The following SAMMSON variants were observed in gnomAD, a reference collection of about 807,000 sequenced individuals.
The protein encoded by SAMMSON is long intergenic non-protein coding RNA 1212.
chr3:70,093,931 C>T (rs66548167), intron 4 of SAMMSON, among the ~76,000 whole-genome samples: 11,365 of 152,192 alleles, frequency 0.075, 583 homozygotes, highest in Non-Finnish European at 0.11. Context: ...CTTTGAGGGA[C>T]GTTTTGCAAC....
At chr3:70,005,033 A>T (rs969265407) in intron 1 of SAMMSON, among the ~76,000 whole-genome samples, 1 of 152,186 alleles carries the variant, frequency 6.6e-6, no homozygotes, top group Non-Finnish European at 1.5e-5. Flanking sequence ...TGAATGCTAG[A>T]CCAATGTTTT....
intron 4 of SAMMSON, among the ~76,000 whole-genome samples, chr3:70,169,357 A>G (rs2067652097): frequency 6.6e-6 from 1 of 152,048 alleles, no homozygotes; most frequent in Admixed American, 6.6e-5. Flanking sequence ...ATGACGTTTT[A>G]TGCAAGGAGA....
At chr3:70,052,079 T>C (rs2067148459) in intron 3 of SAMMSON, among the ~76,000 whole-genome samples, 1 of 152,020 alleles carries the variant, frequency 6.6e-6, no homozygotes, top group Non-Finnish European at 1.5e-5. Flanking sequence ...GCCTGGGCAA[T>C]ACAGCGAGGA....
intron 4 of SAMMSON, among the ~76,000 whole-genome samples, chr3:70,163,770 G>T (rs1019131571): frequency 6.6e-6 from 1 of 151,940 alleles, no homozygotes; most frequent in Non-Finnish European, 1.5e-5. Flanking sequence ...GTAAAACAAC[G>T]GCCTCTTAAT....
chr3:70,160,010 G>T (rs976791991), intron 4 of SAMMSON, among the ~76,000 whole-genome samples: 1 of 151,836 alleles, frequency 6.6e-6, no homozygotes, highest in South Asian at 2.1e-4. Context: ...GTCTTATTGA[G>T]GTGTAAGATT....
At chr3:70,228,777 T>C (rs1701532258) in intron 4 of SAMMSON, among the ~76,000 whole-genome samples, 1 of 152,098 alleles carries the variant, frequency 6.6e-6, no homozygotes, top group Admixed American at 6.6e-5. Context: ...CAAGTTTCAT[T>C]TGCATTCTCC....
intron 6 of SAMMSON, among the ~76,000 whole-genome samples, chr3:70,269,825 C>T (rs552500752): frequency 6.6e-6 from 1 of 152,098 alleles, no homozygotes; most frequent in African/African-American, 2.4e-5. Flanking sequence ...CATCTCATTT[C>T]GAAAACAAAG....
chr3:70,356,995 A>T lies in SAMMSON; in HGVS notation n.843-1259A>T, dbSNP rs1322165899. Among the ~76,000 whole-genome samples, 3 of 152,174 alleles carry T rather than the reference A, an allele frequency of 2.0e-5. No homozygotes were observed. The East Asian group carries it at 5.8e-4, about 29-fold the overall frequency. ...TTTGCCAAAATGCATACAGTAAGTC[A>T]CCTACTTTTGAAGTAGAATTAGTAG... is the stretch of plus-strand genomic sequence containing the variant. On this transcript the variant is annotated intron_variant and non_coding_transcript_variant, in intron 8 of 9. Coordinates refer to ENST00000642114, the Ensembl canonical transcript of SAMMSON.
chr3:70,037,987 A>T (rs1011285493), intron 3 of SAMMSON, among the ~76,000 whole-genome samples: 1 of 152,196 alleles, frequency 6.6e-6, no homozygotes, highest in Admixed American at 6.6e-5. Context: ...GAGAAAAACA[A>T]GTCAGAGAAT....
chr3:70,023,202 A>G (rs924711209), intron 3 of SAMMSON, among the ~76,000 whole-genome samples: 19 of 152,160 alleles, frequency 1.2e-4, no homozygotes, highest in Admixed American at 1.2e-3. Flanking sequence ...CACGTCTGTA[A>G]TCCCAGCACT....
intron 7 of SAMMSON, among the ~76,000 whole-genome samples, chr3:70,351,261 G>A (rs1702793551): frequency 6.6e-6 from 1 of 152,062 alleles, no homozygotes. Context: ...TGATACTTAA[G>A]GGATAAGGAA....
intron 4 of SAMMSON, among the ~76,000 whole-genome samples, chr3:70,193,217 G>A (rs1324645310): frequency 6.6e-6 from 1 of 152,016 alleles, no homozygotes; most frequent in Non-Finnish European, 1.5e-5. Context: ...CCACATTCTG[G>A]GCTCCTTCCC....
At chr3:70,113,560 C>A (rs1194929708) in intron 4 of SAMMSON, among the ~76,000 whole-genome samples, 5 of 152,108 alleles carry the variant, frequency 3.3e-5, no homozygotes, top group African/African-American at 7.2e-5. Context: ...CAGAGCTTGC[C>A]TTAAGGGACT....
At chr3:70,162,792 T>A (rs1576139912) in intron 4 of SAMMSON, among the ~76,000 whole-genome samples, 1 of 143,100 alleles carries the variant, frequency 7.0e-6, no homozygotes, top group African/African-American at 2.5e-5. Context: ...TGTCAGGGTT[T>A]GTTTAATGTA....
intron 2 of SAMMSON, among the ~76,000 whole-genome samples, chr3:70,402,793 C>T (rs1287273982): frequency 6.6e-6 from 1 of 152,016 alleles, no homozygotes; most frequent in African/African-American, 2.4e-5. Flanking sequence ...ACCCAGGAGG[C>T]GGAGGTTGCA....
chr3:70,028,051 T>C (rs951550149), intron 3 of SAMMSON, among the ~76,000 whole-genome samples: 9 of 151,526 alleles, frequency 5.9e-5, no homozygotes, highest in Admixed American at 5.3e-4. Flanking sequence ...CCTCGTTGAG[T>C]CCTTCCTTCT....
chr3:70,041,024 T>A (rs2067104496), intron 3 of SAMMSON, among the ~76,000 whole-genome samples: 1 of 152,150 alleles, frequency 6.6e-6, no homozygotes, highest in Non-Finnish European at 1.5e-5. Flanking sequence ...CAGGGGCATT[T>A]AATTTTCATG....
chr3:70,279,404 C>T (rs1047238854), intron 6 of SAMMSON, among the ~76,000 whole-genome samples: 3 of 152,058 alleles, frequency 2.0e-5, no homozygotes, highest in Non-Finnish European at 4.4e-5. Context: ...ATATCACACT[C>T]GTCAGAAAGA....
At chr3:70,295,740 T>G (rs1473495435) in intron 7 of SAMMSON, among the ~76,000 whole-genome samples, 3 of 152,182 alleles carry the variant, frequency 2.0e-5, no homozygotes, top group Non-Finnish European at 2.9e-5. Flanking sequence ...GCAAATATTT[T>G]AAAGTGCTGT....
Sources: gnomAD v4.1 joint callset for allele counts (sites outside exome capture counted in the v4.1 genomes callset) on GRCh38, gnomAD v4.1.1 for gene constraint, MANE v1.5 for transcripts, NCBI Gene and HGNC (gene_info 2026-07-23, HGNC 2026-07-21) for gene names.